GABRG3: variants seen among roughly 807,000 people sequenced by gnomAD.
GABRG3 encodes the protein gamma-aminobutyric acid receptor subunit gamma-3.
Under a neutral mutation model 48.8 loss-of-function variants are expected in GABRG3, and 25 were observed. The ratio of observed to expected loss-of-function variants is 0.51; its 90% CI spans 0.37 to 0.72. The LOEUF (loss-of-function observed/expected upper bound fraction) is 0.72, where lower values mean the gene tolerates loss of function less well. GABRG3 is among the 30% of genes least tolerant of loss of function. GABRG3 has a pLI of 0.00. For synonymous variants in GABRG3, 227 were observed against 217.6 expected, an observed-to-expected ratio of 1.04 and a Z score of -0.38; for missense variants, 394 against 577.9, an observed-to-expected ratio of 0.68 and a Z score of 3.26.
chr15:27,442,199 C>T (rs982610932), intron 5 of GABRG3, among the ~76,000 whole-genome samples: 2 of 152,130 alleles, frequency 1.3e-5, no homozygotes, highest in East Asian at 3.9e-4. Context: ...TGCACCAAGC[C>T]GGGCTCTTGG....
At chr15:27,248,803 C>CAGAGAGAGAGAGAGAG (rs1170812736) in intron 3 of GABRG3, among the ~76,000 whole-genome samples, 3 of 110,240 alleles carry the variant, frequency 2.7e-5, no homozygotes, top group African/African-American at 1.2e-4. Context: ...CACACACACA[C>CAGAGAGAGAGAGAGAG]AGAGAGAGAG....
chr15:27,156,298 C>CAA (rs34055206), intron 3 of GABRG3, among the ~76,000 whole-genome samples: 56 of 78,072 alleles, frequency 7.2e-4, no homozygotes, highest in African/African-American at 1.9e-3. Flanking sequence ...CACTCTGTCT[C>CAA]AAAAAAAAAA....
At chr15:27,074,439 A>C (rs775548735) in intron 3 of GABRG3, among the ~76,000 whole-genome samples, 13 of 151,772 alleles carry the variant, frequency 8.6e-5, no homozygotes, top group Non-Finnish European at 1.5e-4. Flanking sequence ...AGCATGTCTC[A>C]CACGCTGCCC....
intron 3 of GABRG3, among the ~76,000 whole-genome samples, chr15:27,279,611 T>C (rs1891367534): frequency 1.3e-5 from 2 of 152,322 alleles, no homozygotes; most frequent in South Asian, 4.1e-4. Context: ...TACTCTGTTT[T>C]ATTGATCGAT....
intron 3 of GABRG3, among the ~76,000 whole-genome samples, chr15:27,043,787 T>C (rs1217806151): frequency 6.6e-6 from 1 of 152,230 alleles, no homozygotes; most frequent in Non-Finnish European, 1.5e-5. Context: ...GCAGTTTATA[T>C]GGTCAGGAAT....
intron 3 of GABRG3, among the ~76,000 whole-genome samples, chr15:27,240,214 G>A (rs371280486): frequency 3.9e-5 from 6 of 152,156 alleles, no homozygotes; most frequent in African/African-American, 1.4e-4. Flanking sequence ...TTTAAAAAAT[G>A]AACTAGACTC....
chr15:27,150,044 C>T (rs1277302892), intron 3 of GABRG3, among the ~76,000 whole-genome samples: 2 of 152,116 alleles, frequency 1.3e-5, no homozygotes, highest in East Asian at 3.9e-4. Context: ...ACAAGAGTAA[C>T]CTGAGATAAC....
intron 3 of GABRG3, among the ~76,000 whole-genome samples, chr15:27,308,696 A>G (rs34140974): frequency 6.7e-5 from 10 of 149,478 alleles, no homozygotes; most frequent in African/African-American, 2.4e-4. Context: ...TAAACATATA[A>G]TGTAAACATA....
chr15:27,495,636 T>C (rs1053657046), intron 6 of GABRG3, among the ~76,000 whole-genome samples: 1 of 152,222 alleles, frequency 6.6e-6, no homozygotes, highest in East Asian at 1.9e-4. Context: ...AATTCATCCA[T>C]TGAATTTTTA....
At chr15:27,211,557 T>G (rs967157046) in intron 3 of GABRG3, among the ~76,000 whole-genome samples, 20 of 152,242 alleles carry the variant, frequency 1.3e-4, no homozygotes, top group Admixed American at 1.0e-3. Context: ...TATACACAGA[T>G]ACATTGCAAA....
chr15:27,382,755 A>G (rs1413733281), intron 5 of GABRG3, among the ~76,000 whole-genome samples: 1 of 152,024 alleles, frequency 6.6e-6, no homozygotes, highest in Non-Finnish European at 1.5e-5. Context: ...TTGACGAGGG[A>G]CTGAGTATGT....
chr15:27,074,115 C>T (rs1259555416), intron 3 of GABRG3, among the ~76,000 whole-genome samples: 1 of 152,152 alleles, frequency 6.6e-6, no homozygotes, highest in Non-Finnish European at 1.5e-5. Flanking sequence ...CATCAGATCT[C>T]TTGAGACTTA....
At chr15:27,530,171 G>T (rs1182842304) in intron 9 of GABRG3, among the ~76,000 whole-genome samples, 1 of 152,186 alleles carries the variant, frequency 6.6e-6, no homozygotes, top group Non-Finnish European at 1.5e-5. Context: ...TCACATGTGT[G>T]GCCTGGGGCA....
At chr15:27,485,472 C>T (rs1273858442) in intron 6 of GABRG3, among the ~76,000 whole-genome samples, 2 of 152,066 alleles carry the variant, frequency 1.3e-5, no homozygotes, top group South Asian at 2.1e-4. Flanking sequence ...GGGGGCGTCA[C>T]GGTGAGCATG....
chr15:27,088,240 G>T (rs1346276002), intron 3 of GABRG3, among the ~76,000 whole-genome samples: 1 of 151,382 alleles, frequency 6.6e-6, no homozygotes, highest in South Asian at 2.1e-4. Context: ...CGTTCTGGGA[G>T]TGCTCGGGGC....
chr15:27,269,614 G>A (rs1891020053), intron 3 of GABRG3, among the ~76,000 whole-genome samples: 1 of 152,138 alleles, frequency 6.6e-6, no homozygotes, highest in African/African-American at 2.4e-5. Context: ...GTGACTACAA[G>A]ACTCTAAAGC....
At chr15:27,227,722 T>C (rs1889669067) in intron 3 of GABRG3, among the ~76,000 whole-genome samples, 1 of 152,000 alleles carries the variant, frequency 6.6e-6, no homozygotes, top group African/African-American at 2.4e-5. Context: ...CAATTTTTTT[T>C]TATCTACAAA....
rs115261945 is a variant in GABRG3, at chr15:27,245,944, G to A, written c.271-80865G>A. Among the ~76,000 whole-genome samples, 1,257 of 152,316 alleles carry A rather than the reference G, an allele frequency of 8.3e-3. 13 individuals carry two copies. The highest frequency in any genetic ancestry group is 0.029 in the African/African-American group (1,205 of 41,562). On this transcript the variant is annotated intron_variant, in intron 3 of 9. Transcript: ENST00000615808. ...AGGGCGACACCAGCATCTGCTTCTG[G>A]TCAGGACCTCAGGAAGCACTTAATC...
At chr15:26,998,010 T>C (rs936784716) in intron 2 of GABRG3, among the ~76,000 whole-genome samples, 2 of 152,208 alleles carry the variant, frequency 1.3e-5, no homozygotes, top group Non-Finnish European at 2.9e-5. Flanking sequence ...TCTTTATTGA[T>C]GTATTTGTGG....
Sources: allele counts gnomAD v4.1 joint callset (sites outside exome capture counted in the v4.1 genomes callset), GRCh38; gene constraint gnomAD v4.1.1; transcripts MANE v1.5; gene names NCBI Gene and HGNC (gene_info 2026-07-23, HGNC 2026-07-21).